NREP: variants seen among roughly 807,000 people sequenced by gnomAD.
NREP encodes the protein neuronal regeneration-related protein.
NREP carries 5 observed loss-of-function variants against 8.6 expected under a neutral mutation model. That is an observed-to-expected ratio of 0.58 (90% CI 0.30 to 1.22). NREP has a LOEUF of 1.22. Among genes scored for constraint, NREP ranks in the 50% most tolerant of loss-of-function variants. The probability of loss-of-function intolerance (pLI) is 0.07; values close to 1 mark genes in which losing one functional copy is unlikely to be tolerated. For synonymous variants in NREP, 27 were observed against 28.0 expected, an observed-to-expected ratio of 0.96 and a Z score of 0.11; for missense variants, 86 against 82.5, an observed-to-expected ratio of 1.04 and a Z score of -0.17.
At chr5:111,772,476 T>C (rs1468389825) in intron 2 of NREP, among the ~76,000 whole-genome samples, 1 of 152,168 alleles carries the variant, frequency 6.6e-6, no homozygotes, top group Non-Finnish European at 1.5e-5. Context: ...CCAAGAAATA[T>C]TCCAGTTTCC....
intron 2 of NREP, among the ~76,000 whole-genome samples, chr5:111,912,964 T>C (rs1185826487): frequency 6.6e-6 from 1 of 152,168 alleles, no homozygotes; most frequent in South Asian, 2.1e-4. Flanking sequence ...ATTAAGATTA[T>C]TAGCATTGAC....
At chr5:111,767,526 T>C (rs1751113391) in intron 2 of NREP, among the ~76,000 whole-genome samples, 1 of 152,192 alleles carries the variant, frequency 6.6e-6, no homozygotes, top group Non-Finnish European at 1.5e-5. Context: ...GGGACTATTT[T>C]CTGTTCTCTG....
At chr5:111,866,084 G>A (rs1247359815) in intron 2 of NREP, among the ~76,000 whole-genome samples, 1 of 152,170 alleles carries the variant, frequency 6.6e-6, no homozygotes, top group East Asian at 1.9e-4. Context: ...GAAAGACATA[G>A]GCATGGGCAA....
chr5:111,764,422 T>C (rs574112617), intron 2 of NREP, among the ~76,000 whole-genome samples: 1 of 152,200 alleles, frequency 6.6e-6, no homozygotes, highest in African/African-American at 2.4e-5. Flanking sequence ...CTCACAATCA[T>C]GGCAGAAGGC....
At chr5:111,901,554 A>G (rs1561718299) in intron 2 of NREP, among the ~76,000 whole-genome samples, 2 of 152,090 alleles carry the variant, frequency 1.3e-5, no homozygotes, top group Non-Finnish European at 2.9e-5. Context: ...GATCTTATAT[A>G]TAGAAAAACC....
chr5:111,789,854 C>G (rs1158630260), intron 2 of NREP, among the ~76,000 whole-genome samples: 5 of 152,042 alleles, frequency 3.3e-5, no homozygotes, highest in Non-Finnish European at 7.4e-5. Flanking sequence ...GATCTTAGGG[C>G]TATAGGCAAT....
intron 2 of NREP, among the ~76,000 whole-genome samples, chr5:111,885,373 T>C (rs1754213665): frequency 6.6e-6 from 1 of 151,868 alleles, no homozygotes; most frequent in African/African-American, 2.4e-5. Context: ...GTAGGAAGAA[T>C]CAATATCGTG....
At chr5:111,739,957 T>C (rs1749504162) in intron 2 of NREP, among the ~76,000 whole-genome samples, 1 of 151,900 alleles carries the variant, frequency 6.6e-6, no homozygotes, top group African/African-American at 2.4e-5. Context: ...AGAAGTCTAT[T>C]AGAAAATCAG....
At chr5:111,938,429 A>T (rs545912161) in intron 2 of NREP, among the ~76,000 whole-genome samples, 3 of 152,186 alleles carry the variant, frequency 2.0e-5, no homozygotes, top group African/African-American at 7.2e-5. Context: ...TATGCTCCTC[A>T]ATTTAAAATC....
intron 2 of NREP, among the ~76,000 whole-genome samples, chr5:111,801,952 CT>C (rs1020948997): frequency 2.6e-4 from 39 of 152,166 alleles, no homozygotes; most frequent in African/African-American, 9.4e-4. Flanking sequence ...GCATGGGACT[CT>C]GCAAATGACA....
intron 2 of NREP, among the ~76,000 whole-genome samples, chr5:111,964,997 C>T (rs1256680098): frequency 3.3e-5 from 5 of 149,950 alleles, no homozygotes. Context: ...CATTGTTTAT[C>T]TCAGTGGTTC....
At chr5:111,821,230 C>T (rs756137613) in intron 2 of NREP, among the ~76,000 whole-genome samples, 11 of 152,058 alleles carry the variant, frequency 7.2e-5, no homozygotes, top group Non-Finnish European at 1.3e-4. Flanking sequence ...CTCATGCTTT[C>T]TTTGTTATAT....
chr5:111,949,353 GCC>G (rs1315545964), intron 2 of NREP, among the ~76,000 whole-genome samples: 1 of 129,382 alleles, frequency 7.7e-6, no homozygotes, highest in African/African-American at 2.8e-5. Flanking sequence ...AAAATTAAAA[GCC>G]CTAGGGATTT....
At chr5:111,756,155 T>G in intron 1 of NREP, 1 of 1,059,604 alleles carries the variant, frequency 9.4e-7, no homozygotes, top group Non-Finnish European at 1.1e-6. Flanking sequence ...GTTTTCTGGC[T>G]GCTCTTTGTT....
chr5:111,794,395 T>C (rs559801457), intron 2 of NREP, among the ~76,000 whole-genome samples: 1 of 152,220 alleles, frequency 6.6e-6, no homozygotes, highest in South Asian at 2.1e-4. Context: ...AGCACTTTAC[T>C]CATAATTGCC....
intron 2 of NREP, among the ~76,000 whole-genome samples, chr5:111,848,433 G>GAA (rs10643956): frequency 0.15 from 22,548 of 151,994 alleles, 3,272 homozygotes; most frequent in African/African-American, 0.37. Flanking sequence ...TACATGGAGA[G>GAA]TTTTTTTCTC....
At chr5:111,868,089 T>A (rs1483218356) in intron 2 of NREP, among the ~76,000 whole-genome samples, 3 of 152,072 alleles carry the variant, frequency 2.0e-5, no homozygotes, top group African/African-American at 7.2e-5. Flanking sequence ...AAGATGGCAT[T>A]TTAAAAGCTA....
chr5:111,938,183 T>A (rs1044197931), intron 2 of NREP, among the ~76,000 whole-genome samples: 2 of 152,034 alleles, frequency 1.3e-5, no homozygotes, highest in African/African-American at 4.8e-5. Context: ...GGCACTGGAC[T>A]TCTGCCCCCT....
chr5:111,871,886 T>TTATA (rs1753799615), intron 2 of NREP, among the ~76,000 whole-genome samples: 1 of 144,794 alleles, frequency 6.9e-6, no homozygotes, highest in African/African-American at 2.7e-5. Context: ...GAAAATCTCG[T>TTATA]TCTATATAGC....
Sources: gnomAD v4.1 joint callset for allele counts (sites outside exome capture counted in the v4.1 genomes callset) on GRCh38, gnomAD v4.1.1 for gene constraint, MANE v1.5 for transcripts, NCBI Gene and HGNC (gene_info 2026-07-23, HGNC 2026-07-21) for gene names.